The following ATP8A1 variants were observed in gnomAD, a reference collection of about 807,000 sequenced individuals.
The protein encoded by ATP8A1 is ATPase phospholipid transporting 8A1.
ATP8A1 carries 90 observed loss-of-function variants against 177.7 expected under a neutral mutation model. The observed-to-expected ratio is 0.51, with a 90% confidence interval of 0.43 to 0.60. ATP8A1 has a LOEUF of 0.60. Ranked by LOEUF, ATP8A1 falls within the 20% of genes least tolerant of loss-of-function variation. ATP8A1 has a pLI of 0.00. For missense variants in ATP8A1, 1,072 were observed against 1,392.8 expected (o/e 0.77, Z 3.67); for synonymous variants, 493 against 485.9 (o/e 1.01, Z -0.19).
intron 1 of ATP8A1, among the ~76,000 whole-genome samples, chr4:42,639,143 T>A (rs549709270): frequency 6.6e-6 from 1 of 150,558 alleles, no homozygotes; most frequent in African/African-American, 2.4e-5. Context: ...GGCGGGGAGG[T>A]GGTCAGGGAG....
chr4:42,591,554 T>A (rs1734180509), intron 6 of ATP8A1, among the ~76,000 whole-genome samples: 1 of 152,138 alleles, frequency 6.6e-6, no homozygotes, highest in African/African-American at 2.4e-5. Flanking sequence ...GTCTAGAGAA[T>A]GCATTGTTTT....
At chr4:42,557,691 G>A (rs988409028) in intron 15 of ATP8A1, among the ~76,000 whole-genome samples, 4 of 152,098 alleles carry the variant, frequency 2.6e-5, no homozygotes, top group Admixed American at 2.6e-4. Flanking sequence ...TTCTGTCAGG[G>A]ATAATGCTAA....
intron 35 of ATP8A1, among the ~76,000 whole-genome samples, chr4:42,417,377 C>T (rs1713361491): frequency 6.7e-6 from 1 of 150,322 alleles, no homozygotes; most frequent in African/African-American, 2.4e-5. Context: ...ACTAAAACCA[C>T]ATTTTATTCA....
At chr4:42,490,788 T>G (rs1013242444) in intron 24 of ATP8A1, among the ~76,000 whole-genome samples, 2 of 152,196 alleles carry the variant, frequency 1.3e-5, no homozygotes, top group Non-Finnish European at 2.9e-5. Context: ...GACCCTACTT[T>G]CCCTGAGTCC....
chr4:42,539,177 G>C (rs999554802), intron 20 of ATP8A1, among the ~76,000 whole-genome samples: 2 of 151,894 alleles, frequency 1.3e-5, no homozygotes, highest in Admixed American at 6.6e-5. Context: ...AACATCATAT[G>C]TTCTCACTCA....
chr4:42,543,209 A>C (rs559249344), intron 20 of ATP8A1, among the ~76,000 whole-genome samples: 17 of 152,298 alleles, frequency 1.1e-4, no homozygotes, highest in Non-Finnish European at 2.4e-4. Flanking sequence ...TCTTAAGTTC[A>C]ATTTCCGAGT....
chr4:42,610,717 C>A (rs1736282802), intron 5 of ATP8A1, among the ~76,000 whole-genome samples: 1 of 152,108 alleles, frequency 6.6e-6, no homozygotes, highest in Non-Finnish European at 1.5e-5. Flanking sequence ...ATACTCAGAT[C>A]TTTGTGACAA....
chr4:42,622,710 A>C (rs1468664065), intron 4 of ATP8A1, among the ~76,000 whole-genome samples: 1 of 152,158 alleles, frequency 6.6e-6, no homozygotes, highest in Non-Finnish European at 1.5e-5. Flanking sequence ...AAACAACCCC[A>C]TTAAAAAGTG....
At chr4:42,560,676 C>A (rs1029880859) in intron 15 of ATP8A1, among the ~76,000 whole-genome samples, 1 of 151,690 alleles carries the variant, frequency 6.6e-6, no homozygotes, top group African/African-American at 2.4e-5. Context: ...ATTACGAATT[C>A]TTTAACATTC....
intron 24 of ATP8A1, among the ~76,000 whole-genome samples, chr4:42,491,880 G>A (rs746166470): frequency 2.6e-5 from 4 of 152,118 alleles, no homozygotes; most frequent in Non-Finnish European, 4.4e-5. Flanking sequence ...TAGAGAATGT[G>A]GAAACATCCC....
rs570164440 is a variant in ATP8A1 at position 42,458,065 on chromosome 4, T to C, written c.2620-2466A>G. Among the ~76,000 whole-genome samples the C allele has an allele frequency of 6.2e-4, 95 of 152,258 alleles. 1 individual carries two copies. Among genetic ancestry groups the C allele is most frequent in the African/African-American group, 2.3e-3 (94 of 41,556 alleles). ...TACCTTAGATTTTCACTCTAATATT[T>C]TAATATTCAAGTTTACATATCTTAA... On this transcript the variant is annotated intron_variant, in intron 27 of 36. Coordinates refer to ENST00000381668, the MANE Select transcript of ATP8A1 (RefSeq NM_006095.2).
chr4:42,415,981 A>G (rs1371842767), intron 35 of ATP8A1, among the ~76,000 whole-genome samples: 1 of 152,192 alleles, frequency 6.6e-6, no homozygotes, highest in Non-Finnish European at 1.5e-5. Context: ...GACATATTTT[A>G]TTGTCATTGG....
chr4:42,539,047 T>A (rs1355801628), intron 20 of ATP8A1, among the ~76,000 whole-genome samples: 2 of 152,172 alleles, frequency 1.3e-5, no homozygotes, highest in Non-Finnish European at 2.9e-5. Flanking sequence ...AAATGTGGTA[T>A]CTGTATATAC....
chr4:42,627,744 A>G (rs998710505), intron 1 of ATP8A1, among the ~76,000 whole-genome samples: 1 of 152,238 alleles, frequency 6.6e-6, no homozygotes, highest in Non-Finnish European at 1.5e-5. Context: ...ACACTTTAAA[A>G]AATACATACA....
intron 22 of ATP8A1, among the ~76,000 whole-genome samples, chr4:42,511,310 A>G (rs1578079757): frequency 6.6e-6 from 1 of 152,240 alleles, no homozygotes; most frequent in Non-Finnish European, 1.5e-5. Context: ...TGTTTAGGCT[A>G]TAATCAATTT....
At chr4:42,539,309 C>A (rs552353685) in intron 20 of ATP8A1, among the ~76,000 whole-genome samples, 1 of 151,716 alleles carries the variant, frequency 6.6e-6, no homozygotes, top group African/African-American at 2.4e-5. Flanking sequence ...TTGGGTATCG[C>A]GTACACTGCT....
At chr4:42,481,860 G>C (rs571411553) in intron 25 of ATP8A1, among the ~76,000 whole-genome samples, 2 of 152,340 alleles carry the variant, frequency 1.3e-5, no homozygotes, top group African/African-American at 4.8e-5. Context: ...CAGTGGACTT[G>C]TGTGAGGGAG....
chr4:42,498,625 G>T (rs1041263438), intron 24 of ATP8A1, among the ~76,000 whole-genome samples: 1 of 151,956 alleles, frequency 6.6e-6, no homozygotes, highest in Admixed American at 6.6e-5. Context: ...TTTAAGAGTA[G>T]AATGGCTGTT....
intron 8 of ATP8A1, 67 bp downstream of exon 8, chr4:42,588,189 CAAAG>C (rs1385688889): frequency 9.8e-6 from 13 of 1,330,408 alleles, no homozygotes; most frequent in East Asian, 9.3e-5. Context: ...GACAATAACA[CAAAG>C]AAAGAAGCTC....
Sources: allele counts gnomAD v4.1 joint callset (sites outside exome capture counted in the v4.1 genomes callset), GRCh38; gene constraint gnomAD v4.1.1; transcripts MANE v1.5; gene names NCBI Gene and HGNC (gene_info 2026-07-23, HGNC 2026-07-21).